The following RARS2 variants were observed in gnomAD, a reference collection of about 807,000 sequenced individuals.
RARS2 encodes the protein arginyl-tRNA synthetase 2, mitochondrial.
RARS2 carries 67 observed loss-of-function variants against 88.5 expected under a neutral mutation model. The ratio of observed to expected loss-of-function variants is 0.76; its 90% CI spans 0.62 to 0.93. The LOEUF (loss-of-function observed/expected upper bound fraction) is 0.93, where lower values mean the gene tolerates loss of function less well. RARS2 is among the 40% of genes least tolerant of loss of function. RARS2 has a pLI of 0.00. For synonymous variants in RARS2, 239 were observed against 230.3 expected (o/e 1.04, Z -0.34); for missense variants, 664 against 684.2 (o/e 0.97, Z 0.33).
chr6:87,540,998 G>A (rs1229621407), intron 8 of RARS2, among the ~76,000 whole-genome samples: 4 of 151,840 alleles, frequency 2.6e-5, no homozygotes, highest in African/African-American at 7.3e-5. Context: ...TTATTACCAC[G>A]AAAAAAGCTG....
At chr6:87,530,629 T>G (rs1274854859) in intron 9 of RARS2, among the ~76,000 whole-genome samples, 155 bp downstream of exon 9, 1 of 152,216 alleles carries the variant, frequency 6.6e-6, no homozygotes, top group Non-Finnish European at 1.5e-5. Flanking sequence ...TATTTTGCAG[T>G]TCTTTCAGCC....
At chr6:87,517,003 G>A in intron 17 of RARS2, 123 bp from the exon 18 acceptor site, 1 of 1,431,622 alleles carries the variant, frequency 7.0e-7, no homozygotes, top group Non-Finnish European at 9.5e-7. Context: ...GTATGGCCAG[G>A]CGCAGTGTCT....
At chr6:87,556,043 C>T (rs1785769050) in intron 4 of RARS2, among the ~76,000 whole-genome samples, 1 of 152,208 alleles carries the variant, frequency 6.6e-6, no homozygotes, top group Non-Finnish European at 1.5e-5. Flanking sequence ...CTGTTAACTG[C>T]TGCATGCTGC....
chr6:87,583,396 A>G (rs1333760719), intron 1 of RARS2, among the ~76,000 whole-genome samples: 2 of 152,078 alleles, frequency 1.3e-5, no homozygotes, highest in African/African-American at 4.8e-5. Context: ...TTGAGACCAG[A>G]CTGACCAAAA....
At chr6:87,547,567 G>GT (rs1782959521) in intron 6 of RARS2, among the ~76,000 whole-genome samples, 1 of 151,994 alleles carries the variant, frequency 6.6e-6, no homozygotes, top group Admixed American at 6.6e-5. Context: ...AATGAAAATC[G>GT]TAAGTATATT....
intron 1 of RARS2, among the ~76,000 whole-genome samples, chr6:87,571,101 G>A (rs1306295012): frequency 6.6e-6 from 1 of 152,114 alleles, no homozygotes; most frequent in East Asian, 1.9e-4. Flanking sequence ...ATCTGATCTT[G>A]AATTATAGCT....
chr6:87,546,914 A>C (rs79719779), intron 6 of RARS2, among the ~76,000 whole-genome samples: 10,720 of 151,972 alleles, frequency 0.071, 407 homozygotes, highest in East Asian at 0.096. Context: ...GCATATTCCT[A>C]TTTTTTTCTT....
At chr6:87,547,726 G>A (rs959646164) in intron 6 of RARS2, among the ~76,000 whole-genome samples, 16 of 151,388 alleles carry the variant, frequency 1.1e-4, no homozygotes, top group African/African-American at 3.9e-4. Flanking sequence ...TGCAACCTCT[G>A]CCTCCCGGGT....
rs1319393800 is a variant in RARS2 at position 87,520,229 on chromosome 6, G to C, written c.1063C>G (p.Gln355Glu). The C allele has an allele frequency of 7.4e-6, 12 of 1,612,946 alleles. No homozygotes were observed. Among genetic ancestry groups the C allele is most frequent in the Non-Finnish European group, 1.0e-5 (12 of 1,179,358 alleles). The change falls in exon 13 of 20, where the codon CAG becomes GAG. Residue 355 changes from glutamine to glutamate, a missense_variant. By Grantham distance (29) the Gln-to-Glu change is conservative. Transcript: ENST00000369536. ...ATCTTCAGCATTTGGAATACTTGCTGAAAATGCTTTTTTTGTCCTTTATCT... is the reference window on the plus strand; with the variant it reads ...ATCTTCAGCATTTGGAATACTTGCTCAAAATGCTTTTTTTGTCCTTTATCT... Reference protein sequence around the residue: ...VTDKGQKKHFQQVFQMLKIMG... With the variant: ...VTDKGQKKHFEQVFQMLKIMG...
chr6:87,570,767 G>A (rs982456689), intron 1 of RARS2, among the ~76,000 whole-genome samples: 2 of 151,952 alleles, frequency 1.3e-5, no homozygotes, highest in African/African-American at 4.8e-5. Context: ...TGACCAAGCT[G>A]GCCTCTAACT....
chr6:87,569,642 A>G, intron 1 of RARS2, 52 bp from the exon 2 acceptor site: 1 of 1,316,116 alleles, frequency 7.6e-7, no homozygotes, highest in Non-Finnish European at 1.1e-6. Context: ...TATTTGTTCC[A>G]TTCAATGGAA....
chr6:87,539,876 T>C (rs560087620), intron 8 of RARS2, among the ~76,000 whole-genome samples: 148 of 152,298 alleles, frequency 9.7e-4, no homozygotes, highest in Non-Finnish European at 1.7e-3. Flanking sequence ...ATATAACATC[T>C]GTGGGCCTGG....
chr6:87,572,781 G>T (rs1456493889), intron 1 of RARS2, among the ~76,000 whole-genome samples: 1 of 152,016 alleles, frequency 6.6e-6, no homozygotes, highest in Non-Finnish European at 1.5e-5. Flanking sequence ...TGAAATGGGG[G>T]ACTTAAGCAC....
In RARS2 at chr6:87,516,935, C is replaced by G; in HGVS notation, c.1512-55G>C. 2.5e-6 allele frequency: 4 copies of G among 1,605,206 alleles called. No individual in the cohort carries two copies. In the South Asian group the frequency reaches 4.4e-5, roughly 18 times the overall value. ...AAAGACTGTACACATTACACTAAGA[C>G]ATTAGACATTAAAAGATTGTGAATA... is the stretch of plus-strand genomic sequence containing the variant. On this transcript the variant is annotated intron_variant, in intron 17 of 19. Coordinates refer to ENST00000369536, the MANE Select transcript of RARS2 (RefSeq NM_020320.5).
At chr6:87,566,306 T>A (rs923771246) in intron 2 of RARS2, among the ~76,000 whole-genome samples, 3 of 152,246 alleles carry the variant, frequency 2.0e-5, no homozygotes, top group African/African-American at 7.2e-5. Flanking sequence ...TATAGCTATG[T>A]CTTTTTAAAC....
At chr6:87,555,599 C>G (rs1330332806) in intron 4 of RARS2, 94 bp from the exon 5 acceptor site, 11 of 993,930 alleles carry the variant, frequency 1.1e-5, no homozygotes, top group Non-Finnish European at 1.7e-5. Flanking sequence ...TTTGTTCACT[C>G]TAATTTATGG....
At chr6:87,587,636 C>T (rs1353151769) in intron 1 of RARS2, among the ~76,000 whole-genome samples, 3 of 152,164 alleles carry the variant, frequency 2.0e-5, no homozygotes, top group Non-Finnish European at 4.4e-5. Flanking sequence ...GTTATTTAAT[C>T]TCTGTGGATC....
intron 1 of RARS2, among the ~76,000 whole-genome samples, chr6:87,586,208 T>C (rs545428171): frequency 2.0e-5 from 3 of 152,172 alleles, no homozygotes; most frequent in South Asian, 4.1e-4. Context: ...TGGTGTGGAA[T>C]AGAGAAAGGA....
chr6:87,555,100 AAAAT>A (rs71018037), intron 5 of RARS2, among the ~76,000 whole-genome samples: 8,977 of 139,512 alleles, frequency 0.064, 669 homozygotes, highest in African/African-American at 0.18. Context: ...CTCCGTCTCA[AAAAT>A]AAATAAATAA....
Sources: allele counts gnomAD v4.1 joint callset (sites outside exome capture counted in the v4.1 genomes callset), GRCh38; gene constraint gnomAD v4.1.1; transcripts MANE v1.5; gene names NCBI Gene and HGNC (gene_info 2026-07-23, HGNC 2026-07-21).